The following GNA12 variants were observed in gnomAD, a reference collection of about 807,000 sequenced individuals.
GNA12 encodes the protein G protein subunit alpha 12.
GNA12 carries 9 observed loss-of-function variants against 26.0 expected under a neutral mutation model. That is an observed-to-expected ratio of 0.35 (90% CI 0.21 to 0.60). The LOEUF (loss-of-function observed/expected upper bound fraction) is 0.60, where lower values mean the gene tolerates loss of function less well. Ranked by LOEUF, GNA12 falls within the 20% of genes least tolerant of loss-of-function variation. GNA12 has a pLI of 0.78. For missense variants in GNA12, 405 were observed against 525.8 expected (o/e 0.77, Z 2.25); for synonymous variants, 264 against 219.6 (o/e 1.20, Z -1.79).
chr7:2,750,230 A>C (rs1184530234), intron 2 of GNA12, among the ~76,000 whole-genome samples: 1 of 152,238 alleles, frequency 6.6e-6, no homozygotes, highest in East Asian at 1.9e-4. Context: ...TGCAAGTCCC[A>C]GCTCTGCTTA....
intron 3 of GNA12, 50 bp downstream of exon 3, chr7:2,733,401 C>CAA (rs34004158): frequency 1.3e-6 from 2 of 1,534,406 alleles, no homozygotes; most frequent in Admixed American, 1.7e-5. Context: ...TCTCTGGACA[C>CAA]GTTTTCTAAC....
rs548894942 is a variant in GNA12 at position 2,827,443 on chromosome 7, C to A, written c.309+16410G>T. Among the ~76,000 whole-genome samples the A allele has an allele frequency of 4.6e-5, 7 of 152,294 alleles. 1 individual carries two copies. In the East Asian group the frequency reaches 1.3e-3, roughly 29 times the overall value. On this transcript the variant is annotated intron_variant, in intron 1 of 3. Transcript: ENST00000275364. ...AGTGAAAACAGAAAGGTTGTATTAA[C>A]GAAACTTCAGCTGGTCAGGTGAAGT...
intron 2 of GNA12, among the ~76,000 whole-genome samples, chr7:2,752,664 A>T (rs1210534886): frequency 6.6e-6 from 1 of 152,214 alleles, no homozygotes; most frequent in Non-Finnish European, 1.5e-5. Context: ...CCAATAACCC[A>T]ATGGAATCTA....
intron 1 of GNA12, among the ~76,000 whole-genome samples, chr7:2,823,015 C>T (rs1234906716): frequency 6.6e-6 from 1 of 152,196 alleles, no homozygotes; most frequent in Non-Finnish European, 1.5e-5. Flanking sequence ...ATTAAAGACA[C>T]TGAGTCTTTC....
intron 1 of GNA12, among the ~76,000 whole-genome samples, chr7:2,825,673 G>T (rs1793468396): frequency 6.6e-6 from 1 of 152,186 alleles, no homozygotes; most frequent in Non-Finnish European, 1.5e-5. Flanking sequence ...AAACAGGAAA[G>T]CAGCCTTATG....
chr7:2,787,355 G>C (rs991620842), intron 2 of GNA12, among the ~76,000 whole-genome samples: 1 of 152,110 alleles, frequency 6.6e-6, no homozygotes, highest in Non-Finnish European at 1.5e-5. Context: ...GCACGCCTCT[G>C]ACCAATTCCT....
intron 1 of GNA12, among the ~76,000 whole-genome samples, chr7:2,803,348 A>G (rs1792862713): frequency 6.6e-6 from 1 of 152,178 alleles, no homozygotes; most frequent in Non-Finnish European, 1.5e-5. Flanking sequence ...GGGCTTTGGA[A>G]AAGGAGAATG....
At position 2,815,142 on chromosome 7, in the gene GNA12, G is replaced by A. The variant is rs982624460; in HGVS notation, c.310-19999C>T. 1.4e-5 allele frequency: 10 copies of A among 708,938 alleles called. 1 individual carries two copies. The Admixed American group carries it at 1.6e-4, about 11-fold the overall frequency. 43.9% of individuals were successfully genotyped at this position (708,938 alleles called of 1,614,324 possible). A position where few individuals can be genotyped will look rare whatever the true frequency, so the allele number is the denominator to read the frequency against. ...GGCTTCCAAGCTCACTGGAGAAGGA[G>A]CAATACAAAAAGCAAGTGGACAGGA... is the stretch of plus-strand genomic sequence containing the variant. On this transcript the variant is annotated intron_variant, in intron 1 of 3. Coordinates refer to ENST00000275364, the MANE Select transcript of GNA12 (RefSeq NM_007353.3).
At chr7:2,837,724 T>C (rs1352014269) in intron 1 of GNA12, among the ~76,000 whole-genome samples, 1 of 152,018 alleles carries the variant, frequency 6.6e-6, no homozygotes, top group African/African-American at 2.4e-5. Flanking sequence ...GCTAAGAGAA[T>C]CTGTTGCAAG....
intron 1 of GNA12, 151 bp from the exon 2 acceptor site, chr7:2,795,294 T>C: frequency 1.5e-6 from 1 of 652,100 alleles, no homozygotes. Context: ...GTTTGTTTGT[T>C]GTGATGTGGA....
intron 1 of GNA12, among the ~76,000 whole-genome samples, chr7:2,800,131 C>T (rs1792772720): frequency 6.6e-6 from 1 of 152,190 alleles, no homozygotes; most frequent in Non-Finnish European, 1.5e-5. Flanking sequence ...GTGCACCATA[C>T]CATGGACCAT....
chr7:2,800,105 C>G (rs1277861182), intron 1 of GNA12, among the ~76,000 whole-genome samples: 1 of 152,232 alleles, frequency 6.6e-6, no homozygotes, highest in Non-Finnish European at 1.5e-5. Flanking sequence ...TAGCCCCAAA[C>G]TGGAAGCAAG....
In GNA12 at chr7:2,741,117, T is replaced by C. The variant is rs1473431630; in HGVS notation, c.526-7616A>G. Among the ~76,000 whole-genome samples the C allele has an allele frequency of 2.0e-5, 3 of 152,200 alleles. 1 individual carries two copies. In the East Asian group the frequency reaches 5.8e-4, roughly 29 times the overall value. On this transcript the variant is annotated intron_variant, in intron 2 of 3. Transcript: ENST00000275364. ...TATAGATTTAGATTCTTCATTTGTA[T>C]CACAGGGATCATCATAGAAAAATGA... is the stretch of plus-strand genomic sequence containing the variant.
chr7:2,748,662 G>C (rs1418018735), intron 2 of GNA12, among the ~76,000 whole-genome samples: 1 of 152,138 alleles, frequency 6.6e-6, no homozygotes, highest in Non-Finnish European at 1.5e-5. Flanking sequence ...TGACAAATGG[G>C]ATCTAATTAA....
At chr7:2,765,746 T>C (rs553414804) in intron 2 of GNA12, among the ~76,000 whole-genome samples, 5 of 152,252 alleles carry the variant, frequency 3.3e-5, no homozygotes, top group South Asian at 2.1e-4. Flanking sequence ...TTCTCCTGTC[T>C]TAGCCTCCTG....
At position 2,733,454 on chromosome 7, in the gene GNA12, C is replaced by T. The variant is rs1455629624; in HGVS notation, c.573G>A (p.Gln191=). The T allele has an allele frequency of 4.3e-6, 7 of 1,613,562 alleles. No homozygotes were observed. The highest frequency in any genetic ancestry group is 1.3e-5 in the African/African-American group (1 of 74,908). The part of the protein sequence containing the change: ...YFLDNLDRIG[Q]LNYFPSKQDI... ...TCGGGCGGGCGTGCTTACTCACCAG[C>T]TGGCCGATCCGGTCCAAGTTGTCCA... The change falls in exon 3 of 4, where the codon CAG becomes CAA. Residue 191 remains glutamine (Q), a synonymous_variant. Coordinates refer to ENST00000275364, the MANE Select transcript of GNA12 (RefSeq NM_007353.3).
At chr7:2,788,369 C>T (rs1246002970) in intron 2 of GNA12, among the ~76,000 whole-genome samples, 5 of 152,198 alleles carry the variant, frequency 3.3e-5, no homozygotes, top group Middle Eastern at 3.4e-3. Flanking sequence ...ATGTGTTGGA[C>T]GGCACGTCTA....
chr7:2,814,612 A>G lies in GNA12; in HGVS notation c.310-19469T>C, dbSNP rs35563331. Among the ~76,000 whole-genome samples, 950 of 148,510 alleles carry G rather than the reference A, an allele frequency of 6.4e-3. 44 individuals are homozygous for G. The East Asian group carries it at 0.13, about 20-fold the overall frequency. On this transcript the variant is annotated intron_variant, in intron 1 of 3. Transcript: ENST00000275364. ...TTTAAAGCCGCAACTCCCACCAAAAAATTCCTTATTTCCTTTTCCTGCCTT... is the reference window on the plus strand; with the variant it reads ...TTTAAAGCCGCAACTCCCACCAAAAGATTCCTTATTTCCTTTTCCTGCCTT...
chr7:2,843,436 G>A (rs1212901372), intron 1 of GNA12, among the ~76,000 whole-genome samples: 2 of 150,806 alleles, frequency 1.3e-5, no homozygotes, highest in African/African-American at 2.4e-5. Flanking sequence ...CTTGAGGCCA[G>A]GAGACTGAGA....
Sources: allele counts gnomAD v4.1 joint callset (sites outside exome capture counted in the v4.1 genomes callset), GRCh38; gene constraint gnomAD v4.1.1; transcripts MANE v1.5; gene names NCBI Gene and HGNC (gene_info 2026-07-23, HGNC 2026-07-21).